Variants in ERFE observed in about 807,000 individuals in gnomAD.
ERFE encodes the protein complement C1q tumor necrosis factor-related protein 15.
ERFE carries 25 observed loss-of-function variants against 26.6 expected under a neutral mutation model. The observed-to-expected ratio is 0.94, with a 90% CI of 0.69 to 1.31. The LOEUF (loss-of-function observed/expected upper bound fraction) is 1.31, where lower values mean the gene tolerates loss of function less well. Ranked by LOEUF, ERFE falls within the 40% of genes most tolerant of loss-of-function variation. The probability of loss-of-function intolerance (pLI) is 0.00; values close to 1 mark genes in which losing one functional copy is unlikely to be tolerated. For missense variants in ERFE, 447 were observed against 440.2 expected (o/e 1.02, Z -0.14); for synonymous variants, 206 against 204.5 (o/e 1.01, Z -0.06).
chr2:238,167,725 T>C lies in ERFE; in HGVS notation c.*671T>C, dbSNP rs1053316762. 5.9e-6 allele frequency: 2 copies of C among 336,704 alleles called. No homozygotes were observed. The allele number at this position is 336,704 out of a possible 1,614,324, so 20.9% of individuals were successfully genotyped here. On this transcript the variant is annotated 3_prime_UTR_variant, in exon 8 of 8. Transcript: ENST00000546354. ...GTCTGGGCCCAGCTTCTAGTTCTAA[T>C]GTGTGCAAGATTAACTCACAAATTC...
Position 238,167,605 on chromosome 2 carries a change from C to A in ERFE, c.*551C>A. On this transcript the variant is annotated 3_prime_UTR_variant, in exon 8 of 8. Coordinates refer to ENST00000546354, the MANE Select transcript of ERFE (RefSeq NM_001291832.2). ...CATCTGGGCTCCTTGGTCTTCCCTG[C>A]CCCTCCCCTAACCGTGTTCTACCTG... 2.7e-6 allele frequency: 1 copy of A among 373,694 alleles called. No individual in the cohort carries two copies. Among genetic ancestry groups the A allele is most frequent in the South Asian group, 2.0e-5 (1 of 50,372 alleles). The allele number at this position is 373,694 out of a possible 1,614,324, so 23.1% of individuals were successfully genotyped here. A position where few individuals can be genotyped will look rare whatever the true frequency, so the allele number is the denominator to read the frequency against.
chr2:238,160,514 G>T (rs987602307), intron 1 of ERFE, among the ~76,000 whole-genome samples: 1 of 152,118 alleles, frequency 6.6e-6, no homozygotes, highest in African/African-American at 2.4e-5. Context: ...TGGTGCAGTT[G>T]ACCCTCTAAG....
At chr2:238,166,930 G>T in intron 7 of ERFE, 26 bp from the exon 8 acceptor site, 1 of 1,545,950 alleles carries the variant, frequency 6.5e-7, no homozygotes, top group African/African-American at 1.4e-5. Context: ...GGGTGGCCCA[G>T]TGCCTCAAAG....
intron 1 of ERFE, 113 bp from the exon 2 acceptor site, chr2:238,161,481 G>A: frequency 7.6e-7 from 1 of 1,318,462 alleles, no homozygotes; most frequent in Non-Finnish European, 9.9e-7. Flanking sequence ...CAGGTGACAA[G>A]GACCAGGGTC....
chr2:238,161,584 T>C lies in ERFE; in HGVS notation c.199-10T>C, dbSNP rs1181221394. 1 of 1,520,148 alleles carries C rather than the reference T, an allele frequency of 6.6e-7. No homozygotes were observed. The highest frequency in any genetic ancestry group is 8.9e-7 in the Non-Finnish European group (1 of 1,123,764). The allele number at this position is 1,520,148 out of a possible 1,614,324, so 94.2% of individuals were successfully genotyped here. A position where few individuals can be genotyped will look rare whatever the true frequency, so the allele number is the denominator to read the frequency against. ...AGGCCAACCGCCCTGCTGGGCTGGC[T>C]GTGTTCCAGGAGCCCACCGCTGAGC... On this transcript the variant is annotated splice_polypyrimidine_tract_variant and intron_variant, in intron 1 of 7. Coordinates refer to ENST00000546354, the MANE Select transcript of ERFE (RefSeq NM_001291832.2).
At position 238,163,993 on chromosome 2, in the gene ERFE, C is replaced by A; in HGVS notation, c.681C>A (p.Tyr227Ter). ...GCGCGCTGCACGAGCTTGGCGTCTACTACCTGGTGAGTGCCGGCGCGCGGG... is the reference window on the plus strand; with the variant it reads ...GCGCGCTGCACGAGCTTGGCGTCTAATACCTGGTGAGTGCCGGCGCGCGGG... ...ERRALHELGV[Y>*]YLPDAEGAFR... The change falls in exon 4 of 8, where the codon TAC becomes TAA. Residue 227 changes from tyrosine (Y) to a stop codon, truncating the protein, a stop_gained. Coordinates refer to ENST00000546354, the MANE Select transcript of ERFE (RefSeq NM_001291832.2). LOFTEE classifies it high-confidence loss of function. 7.2e-7 allele frequency: 1 copy of A among 1,387,534 alleles called. No homozygotes were observed. Among genetic ancestry groups the A allele is most frequent in the Non-Finnish European group, 9.3e-7 (1 of 1,077,462 alleles). The allele number at this position is 1,387,534 out of a possible 1,614,324, so 86.0% of individuals were successfully genotyped here.
At chr2:238,162,695 C>A in intron 2 of ERFE, 41 bp from the exon 3 acceptor site, 1 of 1,309,364 alleles carries the variant, frequency 7.6e-7, no homozygotes, top group Non-Finnish European at 1.1e-6. Context: ...TGGCTCCCAG[C>A]CTGCTCCTCA....
chr2:238,168,630 C>T lies in ERFE; in HGVS notation c.*1576C>T, dbSNP rs192495663. ...ACTCTGCCCTGGGAAAGGCCTGGTG[C>T]GATTCTCAGTAGGACTCACACCCAC... On this transcript the variant is annotated 3_prime_UTR_variant, in exon 8 of 8. Coordinates refer to ENST00000546354, the MANE Select transcript of ERFE (RefSeq NM_001291832.2). The T allele has an allele frequency of 4.6e-5, 17 of 370,726 alleles. No homozygotes were observed. Among genetic ancestry groups the T allele is most frequent in the African/African-American group, 8.5e-5 (4 of 47,156 alleles). The allele number at this position is 370,726 out of a possible 1,614,324, so 23.0% of individuals were successfully genotyped here.
Position 238,163,849 on chromosome 2 carries a change from C to A in ERFE, c.537C>A (p.Asp179Glu). ...CGGCCACCGCCGGGGAGGACGACGA[C>A]GACGTGGTGGGGGACGTGCTGGCAC... is the stretch of plus-strand genomic sequence containing the variant. Reference protein sequence around the residue: ...PVSATAGEDDDDVVGDVLALL... With the variant: ...PVSATAGEDDEDVVGDVLALL... The change falls in exon 4 of 8, where the codon GAC becomes GAA. Residue 179 changes from aspartate (D) to glutamate (E), a missense_variant. Asp to Glu is a conservative substitution (Grantham distance 45). Coordinates refer to ENST00000546354, the MANE Select transcript of ERFE (RefSeq NM_001291832.2). 7.6e-7 allele frequency: 1 copy of A among 1,319,934 alleles called. No individual in the cohort carries two copies. The highest frequency in any genetic ancestry group is 9.6e-7 in the Non-Finnish European group (1 of 1,042,156). The allele number at this position is 1,319,934 out of a possible 1,614,324, so 81.8% of individuals were successfully genotyped here.
In ERFE at chr2:238,164,063, T is replaced by TG. The variant is rs1447078496; in HGVS notation, c.688-11dup. 7.1e-7 allele frequency: 1 copy of TG among 1,411,926 alleles called. No homozygotes were observed. The highest frequency in any genetic ancestry group is 3.1e-5 in the Admixed American group (1 of 32,380). The allele number at this position is 1,411,926 out of a possible 1,614,324, so 87.5% of individuals were successfully genotyped here. A position where few individuals can be genotyped will look rare whatever the true frequency, so the allele number is the denominator to read the frequency against. On this transcript the variant is annotated splice_polypyrimidine_tract_variant and intron_variant, in intron 4 of 7. Transcript: ENST00000546354. The stretch of plus-strand genomic sequence containing the variant: ...GGGCGGGAGCCGGGGTGACCATCCG[T>TG]GCCCCTCGCAGCCCGACGCCGAGGG...
chr2:238,166,754 G>C (rs1328314042), intron 7 of ERFE, among the ~76,000 whole-genome samples: 1 of 152,268 alleles, frequency 6.6e-6, no homozygotes, highest in East Asian at 1.9e-4. Context: ...GGGCGCTGCA[G>C]GGAAAGCAGA....
chr2:238,167,705 G>A lies in ERFE; in HGVS notation c.*651G>A, dbSNP rs1336762889. On this transcript the variant is annotated 3_prime_UTR_variant, in exon 8 of 8. Coordinates refer to ENST00000546354, the MANE Select transcript of ERFE (RefSeq NM_001291832.2). ...GGGCCTTTGGGGGACAGTAAGTCTGGGCCCAGCTTCTAGTTCTAATGTGTG... is the reference window on the plus strand; with the variant it reads ...GGGCCTTTGGGGGACAGTAAGTCTGAGCCCAGCTTCTAGTTCTAATGTGTG... The A allele has an allele frequency of 2.9e-6, 1 of 340,218 alleles. No homozygotes were observed. The highest frequency in any genetic ancestry group is 2.1e-5 in the African/African-American group (1 of 46,512). The allele number at this position is 340,218 out of a possible 1,614,324, so 21.1% of individuals were successfully genotyped here.
Position 238,164,325 on chromosome 2 carries a change from G to A in ERFE, c.852G>A (p.Leu284=), listed in dbSNP as rs1265105743. 1.2e-5 allele frequency: 18 copies of A among 1,535,940 alleles called. No individual in the cohort carries two copies. The highest frequency in any genetic ancestry group is 2.0e-5 in the Admixed American group (1 of 50,618). Residue 284 remains leucine, a synonymous_variant, in exon 6 of 8, where the codon CTG becomes CTA. Coordinates refer to ENST00000546354, the MANE Select transcript of ERFE (RefSeq NM_001291832.2). ...CGCGCCCCCGGGACCACCTGCGCCT[G>A]CTCATCTGCATCCAGTCCCGGTGCC... ...GPPRPRDHLR[L]LICIQSRCQR... is the part of the protein sequence containing the mutation.
chr2:238,166,341 C>G (rs1693035189), intron 7 of ERFE, among the ~76,000 whole-genome samples: 1 of 152,232 alleles, frequency 6.6e-6, no homozygotes, highest in African/African-American at 2.4e-5. Context: ...CTGTCTGGCC[C>G]AGAGTCTGTG....
intron 2 of ERFE, among the ~76,000 whole-genome samples, chr2:238,162,338 G>A (rs927599331): frequency 1.3e-5 from 2 of 152,348 alleles, no homozygotes; most frequent in East Asian, 1.9e-4. Context: ...CCCACAGGGG[G>A]CTCACTGGCT....
At chr2:238,161,821 C>T in intron 2 of ERFE, 105 bp downstream of exon 2, 4 of 1,373,252 alleles carry the variant, frequency 2.9e-6, no homozygotes, top group Non-Finnish European at 3.8e-6. Flanking sequence ...GCACACCCCT[C>T]ACGCCTCGGC....
Position 238,165,645 on chromosome 2 carries a change from G to A in ERFE, c.927G>A (p.Glu309=), listed in dbSNP as rs2106321089. ...EAIMGLESSS[E]LFTISVNGVL... The stretch of plus-strand genomic sequence containing the variant: ...TCATGGGCCTGGAGAGCAGCAGTGA[G>A]CTCTTCACCATCTCTGTGAATGGCG... The change falls in exon 7 of 8, where the codon GAG becomes GAA. Residue 309 remains glutamate (E), a synonymous_variant. Coordinates refer to ENST00000546354, the MANE Select transcript of ERFE (RefSeq NM_001291832.2). 4 of 1,549,622 alleles carry A rather than the reference G, an allele frequency of 2.6e-6. No homozygotes were observed. Among genetic ancestry groups the A allele is most frequent in the Non-Finnish European group, 3.5e-6 (4 of 1,146,194 alleles).
chr2:238,161,216 G>A (rs932682442), intron 1 of ERFE, among the ~76,000 whole-genome samples: 5 of 152,168 alleles, frequency 3.3e-5, no homozygotes, highest in Admixed American at 1.3e-4. Context: ...TCCAGTGGTC[G>A]GATCCTCCTG....
rs1013600212 is a variant in ERFE at position 238,168,443 on chromosome 2, G to A, written c.*1389G>A. 2.1e-5 allele frequency: 10 copies of A among 470,992 alleles called. No individual in the cohort carries two copies. The highest frequency in any genetic ancestry group is 4.0e-5 in the African/African-American group (2 of 50,084). 29.2% of individuals were successfully genotyped at this position (470,992 alleles called of 1,614,324 possible). A position where few individuals can be genotyped will look rare whatever the true frequency, so the allele number is the denominator to read the frequency against. The stretch of plus-strand genomic sequence containing the variant: ...CTGGCAAGGGCGCTCAGGCCTGGGA[G>A]AGAAGGGAGCAATGGCCAGTCACCT... On this transcript the variant is annotated 3_prime_UTR_variant, in exon 8 of 8. Coordinates refer to ENST00000546354, the MANE Select transcript of ERFE (RefSeq NM_001291832.2).
Sources: gnomAD v4.1 joint callset for allele counts (sites outside exome capture counted in the v4.1 genomes callset) on GRCh38, gnomAD v4.1.1 for gene constraint, MANE v1.5 for transcripts, NCBI Gene and HGNC (gene_info 2026-07-23, HGNC 2026-07-21) for gene names.